The following CDH12 variants were observed in gnomAD, a reference collection of about 807,000 sequenced individuals.
CDH12 encodes the protein cadherin-12.
Under a neutral mutation model 74.1 loss-of-function variants are expected in CDH12, and 41 were observed. The ratio of observed to expected loss-of-function variants is 0.55; its 90% CI spans 0.43 to 0.72. CDH12 has a LOEUF of 0.72. Among genes scored for constraint, CDH12 ranks in the 30% least tolerant of loss-of-function variants. CDH12 has a pLI of 0.00. For synonymous variants in CDH12, 399 were observed against 355.0 expected (o/e 1.12, Z -1.39); for missense variants, 945 against 977.2 (o/e 0.97, Z 0.44).
rs1263019450 is a variant in CDH12 at position 21,830,603 on chromosome 5, T to C, written c.814+11558A>G. Among the ~76,000 whole-genome samples the C allele has an allele frequency of 5.3e-5, 8 of 152,140 alleles. No individual in the cohort carries two copies. The East Asian group carries it at 1.5e-3, about 29-fold the overall frequency. On this transcript the variant is annotated intron_variant, in intron 8 of 14. Transcript: ENST00000382254. ...CACTCTATTTATTATCTCTGTTTGA[T>C]TATGTAAAAGCTTTGCATCAGTGAG...
intron 2 of CDH12, among the ~76,000 whole-genome samples, chr5:22,416,097 C>T (rs1269478779): frequency 2.0e-5 from 2 of 100,088 alleles, no homozygotes; most frequent in African/African-American, 4.0e-5. Context: ...TTTTTTGAGA[C>T]GGAGTCTCGC....
chr5:22,693,448 G>C (rs905738845), intron 1 of CDH12, among the ~76,000 whole-genome samples: 1 of 152,062 alleles, frequency 6.6e-6, no homozygotes, highest in African/African-American at 2.4e-5. Context: ...GGAAGTAAGA[G>C]AGAAGGGGAC....
Position 21,854,664 on chromosome 5 carries a change from A to T in CDH12, c.646+7T>A, listed in dbSNP as rs745797458. 1 of 1,592,288 alleles carries T rather than the reference A, an allele frequency of 6.3e-7. No homozygotes were observed. Among genetic ancestry groups the T allele is most frequent in the Non-Finnish European group, 8.5e-7 (1 of 1,170,156 alleles). On this transcript the variant is annotated splice_region_variant and intron_variant, in intron 7 of 14. Coordinates refer to ENST00000382254, the MANE Select transcript of CDH12 (RefSeq NM_004061.5). ...GGTGATAATGTTGCCTCTAATAAAAAATTTACCTGTCTTGGGATCAATAGA... is the reference window on the plus strand; with the variant it reads ...GGTGATAATGTTGCCTCTAATAAAATATTTACCTGTCTTGGGATCAATAGA...
chr5:21,840,749 A>G (rs975369214), intron 8 of CDH12, among the ~76,000 whole-genome samples: 4 of 152,134 alleles, frequency 2.6e-5, no homozygotes, highest in Non-Finnish European at 5.9e-5. Flanking sequence ...AAAACAAGCA[A>G]TTGGGGAAAG....
At chr5:21,933,428 C>A (rs1754935139) in intron 6 of CDH12, among the ~76,000 whole-genome samples, 1 of 152,022 alleles carries the variant, frequency 6.6e-6, no homozygotes, top group African/African-American at 2.4e-5. Context: ...CCAAAATGCA[C>A]CTCCAGTAAA....
chr5:21,948,222 T>A (rs2150097509), intron 6 of CDH12, among the ~76,000 whole-genome samples: 1 of 152,266 alleles, frequency 6.6e-6, no homozygotes, highest in South Asian at 2.1e-4. Flanking sequence ...AGAGGGCCAC[T>A]GTTCTCCAGA....
chr5:22,479,802 A>G (rs1321350089), intron 2 of CDH12, among the ~76,000 whole-genome samples: 3 of 152,194 alleles, frequency 2.0e-5, no homozygotes, highest in Admixed American at 1.3e-4. Context: ...TTTAATTTCT[A>G]ATTTTTGTAA....
chr5:22,792,103 T>G (rs1036257396), intron 1 of CDH12, among the ~76,000 whole-genome samples: 3 of 151,012 alleles, frequency 2.0e-5, no homozygotes, highest in East Asian at 1.9e-4. Flanking sequence ...TTTTTTTTTT[T>G]TGAGATGGAG....
intron 5 of CDH12, among the ~76,000 whole-genome samples, chr5:22,041,514 G>A (rs1163477790): frequency 6.6e-6 from 1 of 152,090 alleles, no homozygotes; most frequent in Admixed American, 6.6e-5. Flanking sequence ...AGACATCACA[G>A]GTAGCTATAC....
At chr5:21,979,911 A>G (rs1200473004) in intron 5 of CDH12, among the ~76,000 whole-genome samples, 1 of 151,870 alleles carries the variant, frequency 6.6e-6, no homozygotes, top group Non-Finnish European at 1.5e-5. Flanking sequence ...CAACAGTGTA[A>G]AAGTGTTCCT....
At position 22,317,884 on chromosome 5, in the gene CDH12, A is replaced by C. The variant is rs185515520; in HGVS notation, c.-333+87373T>G. ...CATCAGTGTGTTGACAGACAGCAAG[A>C]TTCACTTGCAATCTGTATTTTTGGC... On this transcript the variant is annotated intron_variant, in intron 3 of 14. Transcript: ENST00000382254. Among the ~76,000 whole-genome samples the C allele has an allele frequency of 3.9e-5, 6 of 152,358 alleles. No individual in the cohort carries two copies. The East Asian group carries it at 1.2e-3, about 29-fold the overall frequency.
chr5:21,832,789 ATATAATATATATAT>A (rs1300992560), intron 8 of CDH12, among the ~76,000 whole-genome samples: 71 of 102,366 alleles, frequency 6.9e-4, no homozygotes, highest in African/African-American at 3.7e-3. Flanking sequence ...AATATATATC[ATATAATATATATAT>A]TATCATATAA....
At chr5:22,026,530 C>T (rs1738369410) in intron 5 of CDH12, among the ~76,000 whole-genome samples, 2 of 152,076 alleles carry the variant, frequency 1.3e-5, no homozygotes, top group South Asian at 4.1e-4. Flanking sequence ...AGGGTGGCAC[C>T]CCAAATCCAG....
chr5:21,771,456 A>G (rs1428608725), intron 11 of CDH12, among the ~76,000 whole-genome samples: 1 of 152,190 alleles, frequency 6.6e-6, no homozygotes, highest in Non-Finnish European at 1.5e-5. Context: ...GAATCCATAA[A>G]GATAATTTCT....
At chr5:22,466,183 C>A (rs968629155) in intron 2 of CDH12, among the ~76,000 whole-genome samples, 3 of 152,202 alleles carry the variant, frequency 2.0e-5, no homozygotes, top group African/African-American at 4.8e-5. Context: ...ATGTTGATAA[C>A]CCTCCTTCCT....
At chr5:22,705,050 A>G (rs553759054) in intron 1 of CDH12, among the ~76,000 whole-genome samples, 14 of 151,528 alleles carry the variant, frequency 9.2e-5, no homozygotes, top group African/African-American at 3.4e-4. Flanking sequence ...ACACACGCAT[A>G]TATAATGTGC....
At chr5:22,751,547 G>T (rs6885477) in intron 1 of CDH12, among the ~76,000 whole-genome samples, 1 of 151,862 alleles carries the variant, frequency 6.6e-6, no homozygotes, top group South Asian at 2.1e-4. Context: ...AGCTGTTAGC[G>T]TCTGGAGTAT....
At chr5:22,645,659 A>G (rs1739400282) in intron 1 of CDH12, among the ~76,000 whole-genome samples, 1 of 152,024 alleles carries the variant, frequency 6.6e-6, no homozygotes, top group South Asian at 2.1e-4. Context: ...AAATAGCATC[A>G]TATGCTACAG....
intron 1 of CDH12, among the ~76,000 whole-genome samples, chr5:22,554,874 A>G (rs1738729956): frequency 6.6e-6 from 1 of 152,166 alleles, no homozygotes; most frequent in African/African-American, 2.4e-5. Context: ...AAGTAGAGCT[A>G]ATTATTGTGA....
Sources: allele counts gnomAD v4.1 joint callset (sites outside exome capture counted in the v4.1 genomes callset), GRCh38; gene constraint gnomAD v4.1.1; transcripts MANE v1.5; gene names NCBI Gene and HGNC (gene_info 2026-07-23, HGNC 2026-07-21).